The following CD81 variants were observed in gnomAD, a reference collection of about 807,000 sequenced individuals.
The protein encoded by CD81 is CD81 antigen.
In CD81, 10 loss-of-function variants were observed where a neutral mutation model predicts 30.1. That is an observed-to-expected ratio of 0.33 (90% CI 0.21 to 0.56). The LOEUF (loss-of-function observed/expected upper bound fraction) is 0.56, where lower values mean the gene tolerates loss of function less well. Among genes scored for constraint, CD81 ranks in the 20% least tolerant of loss-of-function variants. The pLI, the probability that CD81 is intolerant of heterozygous loss-of-function variation, is 0.89. For synonymous variants in CD81, 147 were observed against 126.4 expected (o/e 1.16, Z -1.10); for missense variants, 263 against 308.7 (o/e 0.85, Z 1.11).
At chr11:2,388,430 A>C (rs1287072066) in intron 1 of CD81, among the ~76,000 whole-genome samples, 1 of 147,626 alleles carries the variant, frequency 6.8e-6, no homozygotes, top group East Asian at 1.9e-4. Flanking sequence ...CGCTCTGCTG[A>C]GCACAGCCCC....
In CD81 at chr11:2,396,702, C is replaced by T. The variant is rs144381255; in HGVS notation, c.636C>T (p.Val212=). Residue 212 remains valine (V), a synonymous_variant, in exon 7 of 8, where the codon GTC becomes GTT. Coordinates refer to ENST00000263645, the MANE Select transcript of CD81 (RefSeq NM_004356.4). The stretch of plus-strand genomic sequence containing the variant: ...TCATCGGCATTGCTGCCATCGTGGT[C>T]GCTGTGATCATGGTGAGCGGGCGGG... ...LYLIGIAAIV[V]AVIMIFEMIL... is the part of the protein sequence containing the mutation. 4.7e-5 allele frequency: 75 copies of T among 1,611,706 alleles called. No homozygotes were observed. The African/African-American group carries it at 5.9e-4, about 13-fold the overall frequency.
At chr11:2,389,607 C>T (rs1849859483) in intron 1 of CD81, among the ~76,000 whole-genome samples, 1 of 152,144 alleles carries the variant, frequency 6.6e-6, no homozygotes, top group African/African-American at 2.4e-5. Flanking sequence ...TCCCCACCTG[C>T]CAGACTCCCA....
chr11:2,387,195 C>T (rs1199329496), intron 1 of CD81, among the ~76,000 whole-genome samples: 2 of 152,112 alleles, frequency 1.3e-5, no homozygotes, highest in African/African-American at 2.4e-5. Flanking sequence ...GAGCCAGGCA[C>T]GGTTCCATGA....
At chr11:2,383,528 C>T (rs1389636362) in intron 1 of CD81, among the ~76,000 whole-genome samples, 1 of 152,160 alleles carries the variant, frequency 6.6e-6, no homozygotes, top group Non-Finnish European at 1.5e-5. Flanking sequence ...TCCTTCCTGC[C>T]TCAGGGCCTC....
At chr11:2,376,931 C>T (rs1029772170), upstream of CD81, 1 of 152,344 alleles carries the variant, frequency 6.6e-6, no homozygotes, top group Non-Finnish European at 1.5e-5. Flanking sequence ...GTGCTCACCT[C>T]CTTTGGGGAG....
chr11:2,392,923 C>T (rs1483922823), intron 2 of CD81: 1 of 152,286 alleles, frequency 6.6e-6, no homozygotes, highest in East Asian at 1.9e-4. Flanking sequence ...GTGAACCCAA[C>T]CTTGCAACCC....
intron 1 of CD81, 113 bp from the exon 2 acceptor site, chr11:2,390,299 C>T: frequency 1.2e-6 from 1 of 840,504 alleles, no homozygotes; most frequent in East Asian, 2.4e-5. Context: ...GACACCTGGT[C>T]CCTGCTCGGG....
chr11:2,381,629 C>T (rs534834703), intron 1 of CD81, among the ~76,000 whole-genome samples: 173 of 152,368 alleles, frequency 1.1e-3, no homozygotes, highest in African/African-American at 4.1e-3. Context: ...AGGTCATCAC[C>T]CTTGTACCCA....
chr11:2,390,678 G>A, intron 2 of CD81, 152 bp downstream of exon 2: 2 of 695,970 alleles, frequency 2.9e-6, no homozygotes, highest in East Asian at 2.7e-5. Flanking sequence ...CTGGGCACAA[G>A]GGTTGAGATG....
At chr11:2,391,182 G>GGCTGGT (rs1849892791) in intron 2 of CD81, 3 of 166,406 alleles carry the variant, frequency 1.8e-5, no homozygotes, top group Non-Finnish European at 4.0e-5. Flanking sequence ...CCCCTGGCAG[G>GGCTGGT]GCTGGTGCTG....
At position 2,395,992 on chromosome 11, in the gene CD81, G is replaced by A. The variant is rs34403950; in HGVS notation, c.561+22G>A. On this transcript the variant is annotated intron_variant, in intron 6 of 7. Transcript: ENST00000263645. Reference sequence around the variant, plus strand: ...CAAGGTGCGCGAGGCCGGTGGGGCCGCGCCTGACCCCCCGCATGTCCCGCC... The same window carrying A: ...CAAGGTGCGCGAGGCCGGTGGGGCCACGCCTGACCCCCCGCATGTCCCGCC... 2.2e-5 allele frequency: 34 copies of A among 1,511,190 alleles called. No individual in the cohort carries two copies. In the East Asian group the frequency reaches 3.4e-4, roughly 15 times the overall value. 93.6% of individuals were successfully genotyped at this position (1,511,190 alleles called of 1,614,324 possible). A position where few individuals can be genotyped will look rare whatever the true frequency, so the allele number is the denominator to read the frequency against.
chr11:2,394,860 G>T lies in CD81; in HGVS notation c.280-112G>T, dbSNP rs1589853499. The T allele has an allele frequency of 9.2e-5, 88 of 957,610 alleles. 1 individual carries two copies. The South Asian group carries it at 1.1e-3, about 12-fold the overall frequency. 59.3% of individuals were successfully genotyped at this position (957,610 alleles called of 1,614,324 possible). Reference sequence around the variant, plus strand: ...TCACTCCTGGTCAGGTCGTGGGCTGGTGGCTCCCACTAGCCCCTCACAGAC... The same window carrying T: ...TCACTCCTGGTCAGGTCGTGGGCTGTTGGCTCCCACTAGCCCCTCACAGAC... On this transcript the variant is annotated intron_variant, in intron 3 of 7. Coordinates refer to ENST00000263645, the MANE Select transcript of CD81 (RefSeq NM_004356.4).
intron 2 of CD81, chr11:2,392,922 A>G (rs547173635): frequency 6.6e-6 from 1 of 152,306 alleles, no homozygotes; most frequent in Non-Finnish European, 1.5e-5. Context: ...AGTGAACCCA[A>G]CCTTGCAACC....
In CD81 at chr11:2,387,601, G is replaced by A. The variant is rs554106608; in HGVS notation, c.67-2811G>A. On this transcript the variant is annotated intron_variant, in intron 1 of 7. Transcript: ENST00000263645. ...TCCACGGCCCTCCCTGTGCTCCCAC[G>A]GGTATAATGGGCACAGAAGAACCAG... is the stretch of plus-strand genomic sequence containing the variant. 2.6e-4 allele frequency among the ~76,000 whole-genome samples: 40 copies of A among 152,034 alleles called. No individual in the cohort carries two copies. In the South Asian group the frequency reaches 6.4e-3, roughly 24 times the overall value.
chr11:2,396,102 C>A, intron 6 of CD81, 132 bp downstream of exon 6: 1 of 493,320 alleles, frequency 2.0e-6, no homozygotes, highest in Non-Finnish European at 3.9e-6. Flanking sequence ...CCTGTCAGGG[C>A]TGCTCTGCTG....
In CD81 at chr11:2,377,626, C is replaced by A; in HGVS notation, c.66+11C>A. On this transcript the variant is annotated intron_variant, in intron 1 of 7. Transcript: ENST00000263645. This position sits in a 1 kb window ranked among gnomAD's most constrained non-coding sequence, Gnocchi z 7.7. The stretch of plus-strand genomic sequence containing the variant: ...AATTTCGTCTTCTGGGTAAGGGCTG[C>A]GCCGGGGGCCGGGGCGGGAGGGGGC... 2.0e-6 allele frequency: 3 copies of A among 1,521,256 alleles called. No individual in the cohort carries two copies. Among genetic ancestry groups the A allele is most frequent in the Non-Finnish European group, 2.7e-6 (3 of 1,124,854 alleles). 94.2% of individuals were successfully genotyped at this position (1,521,256 alleles called of 1,614,324 possible). A position where few individuals can be genotyped will look rare whatever the true frequency, so the allele number is the denominator to read the frequency against.
At chr11:2,393,359 C>G (rs1849933526) in intron 2 of CD81, 1 of 156,490 alleles carries the variant, frequency 6.4e-6, no homozygotes, top group African/African-American at 2.4e-5. Flanking sequence ...TCCCCAGGTG[C>G]ATGCTGCCCA....
intron 2 of CD81, chr11:2,393,812 C>G (rs528086530): frequency 3.2e-6 from 2 of 628,192 alleles, no homozygotes; most frequent in Admixed American, 2.3e-5. Context: ...AGGTGTCATC[C>G]CTGCGAAGCA....
At chr11:2,384,583 GGGAGGCGGGGCATCCT>G (rs1484073591) in intron 1 of CD81, 3 of 163,762 alleles carry the variant, frequency 1.8e-5, no homozygotes, top group African/African-American at 4.9e-5. Context: ...CCGGCCACTT[GGGAGGCGGGGCATCCT>G]GGGGGCGGGG....
Sources: allele counts gnomAD v4.1 joint callset (sites outside exome capture counted in the v4.1 genomes callset), GRCh38; gene constraint gnomAD v4.1.1; non-coding constraint Gnocchi (gnomAD v3.1); transcripts MANE v1.5; gene names NCBI Gene and HGNC (gene_info 2026-07-23, HGNC 2026-07-21).